The following BANK1 variants were observed in gnomAD, a reference collection of about 807,000 sequenced individuals.
The protein encoded by BANK1 is B-cell scaffold protein with ankyrin repeats.
A neutral mutation model predicts 94.5 loss-of-function variants in BANK1; 95 were observed. The observed-to-expected ratio is 1.00, with a 90% CI of 0.85 to 1.19. The LOEUF is 1.19. BANK1 is among the 50% of genes most tolerant of loss of function. BANK1 has a pLI of 0.00. For synonymous variants in BANK1, 334 were observed against 308.4 expected, an observed-to-expected ratio of 1.08 and a Z score of -0.87; for missense variants, 987 against 932.2, an observed-to-expected ratio of 1.06 and a Z score of -0.77.
intron 2 of BANK1, among the ~76,000 whole-genome samples, chr4:101,840,745 CTG>C (rs1727015379): frequency 6.6e-6 from 1 of 152,212 alleles, no homozygotes; most frequent in Non-Finnish European, 1.5e-5. Flanking sequence ...GCTCTGAAGG[CTG>C]TGAGACCCCT....
chr4:101,815,478 G>T (rs918275690), intron 1 of BANK1, among the ~76,000 whole-genome samples: 12 of 151,996 alleles, frequency 7.9e-5, no homozygotes, highest in Non-Finnish European at 1.6e-4. Context: ...TTTATTATTG[G>T]TTAAAATGTC....
intron 9 of BANK1, among the ~76,000 whole-genome samples, chr4:102,028,149 G>A (rs1727165832): frequency 6.6e-6 from 1 of 152,140 alleles, no homozygotes; most frequent in African/African-American, 2.4e-5. Flanking sequence ...GGAGGTGGGT[G>A]GGGAAACAAA....
chr4:101,868,845 G>T (rs1728172187), intron 4 of BANK1, among the ~76,000 whole-genome samples: 1 of 151,816 alleles, frequency 6.6e-6, no homozygotes, highest in Non-Finnish European at 1.5e-5. Flanking sequence ...CTGACATACA[G>T]TTGAGAGCAG....
chr4:101,853,572 T>A (rs1727571868), intron 2 of BANK1, among the ~76,000 whole-genome samples: 1 of 152,100 alleles, frequency 6.6e-6, no homozygotes, highest in Non-Finnish European at 1.5e-5. Context: ...CTTGGAAGAT[T>A]TAGACTTGTG....
At chr4:102,054,325 C>T (rs1036241489) in intron 11 of BANK1, among the ~76,000 whole-genome samples, 5 of 152,086 alleles carry the variant, frequency 3.3e-5, no homozygotes, top group Admixed American at 3.3e-4. Context: ...CTTTCCTGAG[C>T]TTTAACAGAA....
chr4:101,942,127 G>A (rs947683056), intron 7 of BANK1, among the ~76,000 whole-genome samples: 2 of 151,846 alleles, frequency 1.3e-5, no homozygotes, highest in Admixed American at 1.3e-4. Context: ...TGAAACATCT[G>A]GGTGACTACC....
chr4:101,830,047 A>T lies in BANK1; in HGVS notation c.310A>T (p.Ile104Leu). ...AAAGAAATGTCAGTTTCTGGAAAAG[A>T]TACTTCATTCACCAAAAAGTGTAGT... ...TPKKCQFLEK[I>L]LHSPKSVVTL... is the part of the protein sequence containing the mutation. The change falls in exon 2 of 17, where the codon ATA becomes TTA. Residue 104 changes from isoleucine (I) to leucine (L), a missense_variant. Transcript: ENST00000322953. 3 of 1,613,926 alleles carry T rather than the reference A, an allele frequency of 1.9e-6. No homozygotes were observed. Among genetic ancestry groups the T allele is most frequent in the Non-Finnish European group, 2.5e-6 (3 of 1,179,916 alleles).
chr4:102,011,147 C>G (rs951569006), intron 7 of BANK1, among the ~76,000 whole-genome samples: 5 of 152,146 alleles, frequency 3.3e-5, no homozygotes, highest in Non-Finnish European at 5.9e-5. Context: ...AAATGAATAG[C>G]CTTCTACATT....
At chr4:101,937,488 A>T (rs944287514) in intron 7 of BANK1, among the ~76,000 whole-genome samples, 9 of 152,024 alleles carry the variant, frequency 5.9e-5, no homozygotes, top group Admixed American at 2.0e-4. Flanking sequence ...CATATGAAAA[A>T]ATGTTCATCA....
chr4:101,849,349 G>T (rs1209496823), intron 2 of BANK1, among the ~76,000 whole-genome samples: 1 of 152,092 alleles, frequency 6.6e-6, no homozygotes, highest in Non-Finnish European at 1.5e-5. Context: ...GAGAATATAG[G>T]TCCAATGGCT....
At chr4:102,005,140 A>G (rs369953353) in intron 7 of BANK1, among the ~76,000 whole-genome samples, 125 of 152,164 alleles carry the variant, frequency 8.2e-4, no homozygotes, top group African/African-American at 2.3e-3. Context: ...TAGATGTTCA[A>G]TGGTCTCTGG....
At position 102,060,279 on chromosome 4, in the gene BANK1, C is replaced by T. The variant is rs1164248100; in HGVS notation, c.2038C>T (p.Leu680Phe). 2 of 1,609,962 alleles carry T rather than the reference C, an allele frequency of 1.2e-6. No individual in the cohort carries two copies. Among genetic ancestry groups the T allele is most frequent in the African/African-American group, 1.3e-5 (1 of 74,652 alleles). The change falls in exon 12 of 17, where the codon CTC becomes TTC. Residue 680 changes from leucine (L) to phenylalanine (F), a missense_variant. By Grantham distance (22) the Leu-to-Phe change is conservative. Transcript: ENST00000322953. ...CTGTCTAACTGATGGTCAGGAAGAA[C>T]TCATCCTCCTGCAGGAGAAAGTAAA... The part of the protein sequence containing the change: ...RGCLTDGQEE[L>F]ILLQEKVKNG...
At chr4:101,875,017 C>T (rs1013184559) in intron 5 of BANK1, among the ~76,000 whole-genome samples, 6 of 152,050 alleles carry the variant, frequency 3.9e-5, no homozygotes, top group Admixed American at 6.6e-5. Context: ...AAGGCTCTAC[C>T]AATTGTCCCC....
intron 5 of BANK1, among the ~76,000 whole-genome samples, chr4:101,893,395 T>A (rs1721947905): frequency 6.6e-6 from 1 of 151,956 alleles, no homozygotes; most frequent in African/African-American, 2.4e-5. Context: ...CCCACTAGAT[T>A]TTGTATATTT....
intron 11 of BANK1, among the ~76,000 whole-genome samples, chr4:102,049,209 T>C (rs1560708268): frequency 6.6e-6 from 1 of 152,198 alleles, no homozygotes; most frequent in Non-Finnish European, 1.5e-5. Flanking sequence ...TGCCAGATAA[T>C]AAAGTTTCTA....
chr4:101,973,554 A>G (rs1725025772), intron 7 of BANK1, among the ~76,000 whole-genome samples: 1 of 152,064 alleles, frequency 6.6e-6, no homozygotes, highest in South Asian at 2.1e-4. Context: ...GGAATAGAAG[A>G]TCAGTAAATA....
chr4:101,799,119 A>G (rs1725261415), intron 1 of BANK1, among the ~76,000 whole-genome samples: 2 of 152,130 alleles, frequency 1.3e-5, no homozygotes, highest in African/African-American at 4.8e-5. Flanking sequence ...TCTTTAATCC[A>G]TCTTGAATTA....
chr4:101,978,253 G>A (rs1293859596), intron 7 of BANK1, among the ~76,000 whole-genome samples: 1 of 151,822 alleles, frequency 6.6e-6, no homozygotes, highest in Admixed American at 6.6e-5. Flanking sequence ...TAGAATCACA[G>A]TATTTTAAAG....
chr4:102,058,881 C>A (rs996983642), intron 11 of BANK1, among the ~76,000 whole-genome samples: 25 of 151,728 alleles, frequency 1.6e-4, no homozygotes, highest in African/African-American at 5.6e-4. Flanking sequence ...AATTATTGGC[C>A]ACAGAGAAAT....
Sources: allele counts gnomAD v4.1 joint callset (sites outside exome capture counted in the v4.1 genomes callset), GRCh38; gene constraint gnomAD v4.1.1; transcripts MANE v1.5; gene names NCBI Gene and HGNC (gene_info 2026-07-23, HGNC 2026-07-21).